Variants in SESN1 observed in about 807,000 individuals in gnomAD.
The protein encoded by SESN1 is sestrin 1.
SESN1 carries 30 observed loss-of-function variants against 59.3 expected under a neutral mutation model. That is an observed-to-expected ratio of 0.51 (90% CI 0.38 to 0.69). The LOEUF is 0.69. SESN1 is among the 30% of genes least tolerant of loss of function. The pLI is 0.00. For synonymous variants in SESN1, 197 were observed against 219.9 expected (o/e 0.90, Z 0.92); for missense variants, 566 against 673.0 (o/e 0.84, Z 1.76).
At chr6:109,091,177 C>T (rs1245423483) in intron 1 of SESN1, among the ~76,000 whole-genome samples, 2 of 152,172 alleles carry the variant, frequency 1.3e-5, no homozygotes, top group Non-Finnish European at 2.9e-5. Flanking sequence ...TATTACTCTA[C>T]CTTTTCTATG....
intron 1 of SESN1, among the ~76,000 whole-genome samples, chr6:109,066,740 GAGA>G (rs1472272708): frequency 6.6e-6 from 1 of 152,158 alleles, no homozygotes; most frequent in Non-Finnish European, 1.5e-5. Context: ...ATTTTTAAAA[GAGA>G]AGAAATAATG....
chr6:109,050,882 A>G (rs1371604610), intron 1 of SESN1, among the ~76,000 whole-genome samples: 1 of 152,250 alleles, frequency 6.6e-6, no homozygotes, highest in African/African-American at 2.4e-5. Context: ...GAAGGCAAGA[A>G]GGAACAAACA....
At chr6:109,081,725 T>C (rs961551740) in intron 1 of SESN1, among the ~76,000 whole-genome samples, 9 of 152,152 alleles carry the variant, frequency 5.9e-5, no homozygotes, top group East Asian at 3.9e-4. Flanking sequence ...TAGGCAGGCA[T>C]TGGGAGCTCA....
intron 1 of SESN1, among the ~76,000 whole-genome samples, chr6:109,046,046 ATAT>A (rs1382490535): frequency 6.6e-6 from 1 of 152,322 alleles, no homozygotes; most frequent in Admixed American, 6.5e-5. Flanking sequence ...TAAGTAAAAA[ATAT>A]TATATTTACA....
At chr6:109,066,397 T>C (rs904314776) in intron 1 of SESN1, among the ~76,000 whole-genome samples, 5 of 151,894 alleles carry the variant, frequency 3.3e-5, no homozygotes, top group African/African-American at 1.2e-4. Flanking sequence ...TCTCTTTGTC[T>C]CCCTGCAGTG....
intron 1 of SESN1, among the ~76,000 whole-genome samples, chr6:109,012,243 T>TC (rs931610716): frequency 6.6e-6 from 1 of 151,512 alleles, no homozygotes; most frequent in African/African-American, 2.4e-5. Flanking sequence ...TTTTGATATT[T>TC]CTTTTTTTTT....
intron 4 of SESN1, chr6:108,999,175 GAATTTTTAAGATAGTGGCTTGAAC>G (rs1174100177): frequency 1.3e-5 from 2 of 153,176 alleles, no homozygotes; most frequent in Non-Finnish European, 2.9e-5. Context: ...CCTCCTCAAG[GAATTTTTAAGATAGTGGCTTGAAC>G]AACTTGATTA....
intron 1 of SESN1, among the ~76,000 whole-genome samples, chr6:109,052,509 T>A (rs991785212): frequency 6.6e-6 from 1 of 152,212 alleles, no homozygotes; most frequent in Non-Finnish European, 1.5e-5. Context: ...CAAACATTAC[T>A]TAAAATAGTT....
At chr6:109,086,214 GGT>G (rs1781210720) in intron 1 of SESN1, among the ~76,000 whole-genome samples, 1 of 152,116 alleles carries the variant, frequency 6.6e-6, no homozygotes, top group African/African-American at 2.4e-5. Flanking sequence ...AGCTGGGTGT[GGT>G]GGCGCATACC....
chr6:109,048,728 A>G (rs1161882481), intron 1 of SESN1, among the ~76,000 whole-genome samples: 1 of 152,198 alleles, frequency 6.6e-6, no homozygotes, highest in Non-Finnish European at 1.5e-5. Context: ...GCTGTTCATT[A>G]CTTACCAGTT....
chr6:109,027,422 A>G (rs1029826832), intron 1 of SESN1, among the ~76,000 whole-genome samples: 7 of 137,866 alleles, frequency 5.1e-5, no homozygotes, highest in Non-Finnish European at 7.6e-5. Context: ...GGCTGCAGTG[A>G]GCTGAGATCG....
chr6:109,040,004 G>T (rs1296400610), intron 1 of SESN1, among the ~76,000 whole-genome samples: 11 of 152,228 alleles, frequency 7.2e-5, no homozygotes, highest in Non-Finnish European at 1.5e-4. Context: ...GACTGTGAGA[G>T]AATGTGTATG....
intron 1 of SESN1, among the ~76,000 whole-genome samples, chr6:109,007,753 T>C (rs987250589): frequency 2.0e-5 from 3 of 149,710 alleles, no homozygotes; most frequent in Non-Finnish European, 4.4e-5. Context: ...TTAATACTAA[T>C]AGGTAATTCA....
chr6:109,048,104 TA>T (rs58089773), intron 1 of SESN1, among the ~76,000 whole-genome samples: 35,151 of 146,590 alleles, frequency 0.24, 4,598 homozygotes, highest in African/African-American at 0.33. Flanking sequence ...AAAAATAAAT[TA>T]AAAAAAAAAA....
intron 1 of SESN1, chr6:109,008,660 G>A (rs1008742317): frequency 2.3e-6 from 1 of 440,802 alleles, no homozygotes; most frequent in South Asian, 9.5e-5. Context: ...TTTAAGGTTC[G>A]AGTTTTACCT....
intron 1 of SESN1, among the ~76,000 whole-genome samples, chr6:109,005,995 A>G (rs1303532608): frequency 1.3e-5 from 2 of 152,218 alleles, no homozygotes; most frequent in Non-Finnish European, 2.9e-5. Flanking sequence ...TCTGAGAACC[A>G]AATTGCCTTT....
chr6:109,007,032 T>G (rs1305179811), intron 1 of SESN1, among the ~76,000 whole-genome samples: 1 of 152,224 alleles, frequency 6.6e-6, no homozygotes, highest in Non-Finnish European at 1.5e-5. Flanking sequence ...ACAGGCTCTC[T>G]GTGAAGGTGT....
At chr6:109,052,542 T>TA (rs1261496994) in intron 1 of SESN1, among the ~76,000 whole-genome samples, 1 of 152,326 alleles carries the variant, frequency 6.6e-6, no homozygotes, top group East Asian at 1.9e-4. Flanking sequence ...AATGTTCACT[T>TA]AAAGTTTTAA....
chr6:109,069,056 T>G (rs1249581491), intron 1 of SESN1, among the ~76,000 whole-genome samples: 1 of 152,066 alleles, frequency 6.6e-6, no homozygotes, highest in African/African-American at 2.4e-5. Flanking sequence ...TGAAAGCATC[T>G]TAAGTTCCCA....
Sources: allele counts gnomAD v4.1 joint callset (sites outside exome capture counted in the v4.1 genomes callset), GRCh38; gene constraint gnomAD v4.1.1; transcripts MANE v1.5; gene names NCBI Gene and HGNC (gene_info 2026-07-23, HGNC 2026-07-21).